Variants in SHANK2 observed in about 807,000 individuals in gnomAD.
The protein encoded by SHANK2 is SH3 and multiple ankyrin repeat domains 2.
A neutral mutation model predicts 133.7 loss-of-function variants in SHANK2; 43 were observed. The observed-to-expected ratio is 0.32, with a 90% CI of 0.25 to 0.41. The LOEUF (loss-of-function observed/expected upper bound fraction) is 0.41, where lower values mean the gene tolerates loss of function less well. Ranked by LOEUF, SHANK2 falls within the 10% of genes least tolerant of loss-of-function variation. The pLI, the probability that SHANK2 is intolerant of heterozygous loss-of-function variation, is 1.00. For missense variants in SHANK2, 1,994 were observed against 2,235.8 expected (o/e 0.89, Z 2.18); for synonymous variants, 1,017 against 952.8 (o/e 1.07, Z -1.24).
intron 24 of SHANK2, among the ~76,000 whole-genome samples, chr11:70,488,707 T>C (rs1323712937): frequency 6.6e-6 from 1 of 152,232 alleles, no homozygotes; most frequent in African/African-American, 2.4e-5. Context: ...CAAGACCCTT[T>C]GGAGCAGGGG....
rs571275062 is a variant in SHANK2 at position 71,232,403 on chromosome 11, T to C, written c.-112-7607A>G. ...ATATCTCTGAACTATTTCTTACAAC[T>C]GCAATCATCTTAAAAATATAGTTGG... On this transcript the variant is annotated intron_variant, in intron 1 of 25. Coordinates refer to ENST00000601538, the MANE Select transcript of SHANK2 (RefSeq NM_012309.5). 2.6e-5 allele frequency among the ~76,000 whole-genome samples: 4 copies of C among 152,280 alleles called. No individual in the cohort carries two copies. The East Asian group carries it at 7.7e-4, about 29-fold the overall frequency.
intron 11 of SHANK2, among the ~76,000 whole-genome samples, chr11:70,840,299 T>G (rs1276298131): frequency 6.6e-6 from 1 of 152,182 alleles, no homozygotes; most frequent in Admixed American, 6.5e-5. Flanking sequence ...CTACAGAGCA[T>G]GAGGCAGAGA....
chr11:71,187,736 ACT>A (rs1371363853), intron 2 of SHANK2, among the ~76,000 whole-genome samples: 9 of 151,708 alleles, frequency 5.9e-5, no homozygotes, highest in African/African-American at 2.2e-4. Flanking sequence ...AGAGGCACTG[ACT>A]CTGCCTTTTT....
At chr11:71,181,714 C>G (rs1432261983) in intron 2 of SHANK2, among the ~76,000 whole-genome samples, 1 of 152,102 alleles carries the variant, frequency 6.6e-6, no homozygotes, top group Non-Finnish European at 1.5e-5. Context: ...GCATGCATAA[C>G]GGAACCAGGA....
chr11:70,529,758 T>C (rs1554972832), intron 17 of SHANK2, among the ~76,000 whole-genome samples: 1 of 152,204 alleles, frequency 6.6e-6, no homozygotes, highest in African/African-American at 2.4e-5. Flanking sequence ...TTGCCTATTC[T>C]GGGCATTTCA....
chr11:70,484,086 G>T (rs782723521), intron 25 of SHANK2, among the ~76,000 whole-genome samples: 1 of 152,238 alleles, frequency 6.6e-6, no homozygotes, highest in Non-Finnish European at 1.5e-5. Context: ...GGGAGAGACT[G>T]AAGATGCTGC....
chr11:70,944,306 G>T (rs111921037), intron 10 of SHANK2, among the ~76,000 whole-genome samples: 8,566 of 152,218 alleles, frequency 0.056, 810 homozygotes, highest in African/African-American at 0.2. Context: ...CACCTAGGCC[G>T]AAGCTCCACA....
chr11:70,766,641 G>A (rs550424726), intron 14 of SHANK2, among the ~76,000 whole-genome samples: 4 of 152,320 alleles, frequency 2.6e-5, no homozygotes, highest in African/African-American at 7.2e-5. Flanking sequence ...AGCAGTGTAC[G>A]TGGATATCAA....
At chr11:71,200,388 G>C (rs1453008890) in intron 2 of SHANK2, among the ~76,000 whole-genome samples, 1 of 152,172 alleles carries the variant, frequency 6.6e-6, no homozygotes, top group African/African-American at 2.4e-5. Context: ...ACTGATTCCA[G>C]TTTTGGGCTA....
chr11:70,826,714 C>T (rs1948645772), intron 11 of SHANK2: 3 of 336,488 alleles, frequency 8.9e-6, no homozygotes, highest in African/African-American at 4.3e-5. Context: ...TGTCTGTCAG[C>T]TGGGAACCAA....
intron 12 of SHANK2, among the ~76,000 whole-genome samples, chr11:70,817,430 A>C (rs2135328015): frequency 6.6e-6 from 1 of 152,354 alleles, no homozygotes; most frequent in East Asian, 1.9e-4. Context: ...CTGACGGGTC[A>C]GGGCCACCAG....
chr11:70,912,231 T>A lies in SHANK2; in HGVS notation c.1108-15664A>T, dbSNP rs556519357. 2.0e-5 allele frequency among the ~76,000 whole-genome samples: 3 copies of A among 152,042 alleles called. No individual in the cohort carries two copies. In the South Asian group the frequency reaches 6.2e-4, roughly 32 times the overall value. ...GAAAATATTTTACTTCATTCAATGA[T>A]GTGAAGGAAGTTTAACAAATTATAT... is the stretch of plus-strand genomic sequence containing the variant. On this transcript the variant is annotated intron_variant, in intron 10 of 25. Transcript: ENST00000601538.
At chr11:70,942,638 A>G in intron 10 of SHANK2, 1 of 456,902 alleles carries the variant, frequency 2.2e-6, no homozygotes, top group Non-Finnish European at 4.4e-6. Context: ...TTTCCACTTC[A>G]CTTCTAACAG....
At chr11:70,481,621 A>G (rs1298675418) in intron 25 of SHANK2, among the ~76,000 whole-genome samples, 3 of 152,236 alleles carry the variant, frequency 2.0e-5, no homozygotes, top group Non-Finnish European at 4.4e-5. Context: ...CTTATCTGTC[A>G]TTTCAAAAAG....
intron 2 of SHANK2, among the ~76,000 whole-genome samples, chr11:71,195,174 C>A (rs1306964435): frequency 1.3e-5 from 2 of 152,146 alleles, no homozygotes; most frequent in Non-Finnish European, 2.9e-5. Context: ...GGGAGGATCA[C>A]AAGGTCAGGA....
chr11:70,866,254 C>T (rs1949357256), intron 11 of SHANK2, among the ~76,000 whole-genome samples: 1 of 152,078 alleles, frequency 6.6e-6, no homozygotes, highest in South Asian at 2.1e-4. Flanking sequence ...AAGGCAGGGG[C>T]AGAGAGTGCA....
At chr11:70,773,222 T>C (rs1555043246) in intron 14 of SHANK2, among the ~76,000 whole-genome samples, 2 of 152,182 alleles carry the variant, frequency 1.3e-5, no homozygotes, top group African/African-American at 4.8e-5. Flanking sequence ...TGTCTTGCTG[T>C]GCAAAGTAGC....
At chr11:71,133,343 T>C (rs1952362440) in intron 3 of SHANK2, among the ~76,000 whole-genome samples, 2 of 107,836 alleles carry the variant, frequency 1.9e-5, no homozygotes, top group East Asian at 3.0e-4. Flanking sequence ...GCTGGGAGGA[T>C]GCATGGCTGG....
chr11:70,869,580 G>A (rs528292776), intron 11 of SHANK2, among the ~76,000 whole-genome samples: 1 of 152,284 alleles, frequency 6.6e-6, no homozygotes, highest in South Asian at 2.1e-4. Flanking sequence ...TCTCCACCAA[G>A]CCAGGCTCGG....
Sources: allele counts gnomAD v4.1 joint callset (sites outside exome capture counted in the v4.1 genomes callset), GRCh38; gene constraint gnomAD v4.1.1; transcripts MANE v1.5; gene names NCBI Gene and HGNC (gene_info 2026-07-23, HGNC 2026-07-21).